Variants in NKAIN3 observed in about 807,000 individuals in gnomAD.
NKAIN3 encodes sodium/potassium-transporting ATPase subunit beta-1-interacting protein 3.
NKAIN3 carries 25 observed loss-of-function variants against 30.2 expected under a neutral mutation model. That is an observed-to-expected ratio of 0.83 (90% CI 0.60 to 1.16). The LOEUF is 1.16. NKAIN3 is among the 50% of genes most tolerant of loss of function. The probability of loss-of-function intolerance (pLI) is 0.00; values close to 1 mark genes in which losing one functional copy is unlikely to be tolerated. For missense variants in NKAIN3, 225 were observed against 254.1 expected (o/e 0.89, Z 0.78); for synonymous variants, 91 against 89.6 (o/e 1.02, Z -0.09).
At chr8:62,802,075 A>C (rs1658904214) in intron 4 of NKAIN3, among the ~76,000 whole-genome samples, 1 of 152,196 alleles carries the variant, frequency 6.6e-6, no homozygotes. Context: ...GAGAAAAAAG[A>C]ATAAAAGGAA....
At chr8:62,739,814 T>C (rs1158643943) in intron 3 of NKAIN3, among the ~76,000 whole-genome samples, 1 of 152,088 alleles carries the variant, frequency 6.6e-6, no homozygotes, top group African/African-American at 2.4e-5. Flanking sequence ...AAAGAGGAGA[T>C]CAAAATGATC....
At chr8:62,418,405 A>G (rs1382512780) in intron 1 of NKAIN3, among the ~76,000 whole-genome samples, 1 of 152,290 alleles carries the variant, frequency 6.6e-6, no homozygotes, top group South Asian at 2.1e-4. Context: ...AAGTAAATCA[A>G]TTATTTTCAG....
At chr8:62,414,953 T>C (rs1462713847) in intron 1 of NKAIN3, among the ~76,000 whole-genome samples, 2 of 150,446 alleles carry the variant, frequency 1.3e-5, no homozygotes, top group African/African-American at 2.4e-5. Context: ...TTGAAACTCA[T>C]GTATTTTGAG....
chr8:62,644,494 A>C, intron 3 of NKAIN3, among the ~76,000 whole-genome samples: 1 of 152,080 alleles, frequency 6.6e-6, no homozygotes, highest in East Asian at 1.9e-4. Context: ...ATCTGTGTTT[A>C]ATATGTCTAC....
intron 3 of NKAIN3, among the ~76,000 whole-genome samples, chr8:62,662,919 T>G (rs1408930446): frequency 1.3e-5 from 2 of 152,160 alleles, no homozygotes; most frequent in African/African-American, 4.8e-5. Context: ...CCTATGAAGA[T>G]GTAGAAGAAA....
chr8:62,683,929 G>A (rs1259423315), intron 3 of NKAIN3, among the ~76,000 whole-genome samples: 2 of 152,144 alleles, frequency 1.3e-5, no homozygotes. Context: ...AAAGATGGAT[G>A]GGGTATTGTC....
chr8:62,595,360 T>TG (rs1554551921), intron 3 of NKAIN3, among the ~76,000 whole-genome samples: 1 of 49,494 alleles, frequency 2.0e-5, no homozygotes, highest in African/African-American at 8.7e-5. Flanking sequence ...TTTCACCATT[T>TG]GGGGTTTTTT....
intron 4 of NKAIN3, among the ~76,000 whole-genome samples, chr8:62,759,732 C>A (rs113153246): frequency 6.6e-6 from 1 of 152,150 alleles, no homozygotes; most frequent in South Asian, 2.1e-4. Flanking sequence ...TCTAAAACAC[C>A]AAAGCAATGG....
At chr8:62,503,160 G>T (rs1489114570) in intron 1 of NKAIN3, among the ~76,000 whole-genome samples, 1 of 152,104 alleles carries the variant, frequency 6.6e-6, no homozygotes, top group East Asian at 1.9e-4. Context: ...CCTAAGTGTT[G>T]GTCAGTCTGA....
intron 3 of NKAIN3, among the ~76,000 whole-genome samples, chr8:62,727,226 A>T (rs184820042): frequency 1.5e-3 from 221 of 151,986 alleles, no homozygotes; most frequent in African/African-American, 5.1e-3. Flanking sequence ...ATGTACAAAA[A>T]CTCTATTGCT....
intron 3 of NKAIN3, among the ~76,000 whole-genome samples, chr8:62,595,121 A>G (rs1402303909): frequency 6.6e-6 from 1 of 151,952 alleles, no homozygotes; most frequent in Non-Finnish European, 1.5e-5. Context: ...CTGACTTTTT[A>G]AAAATTGGAC....
intron 5 of NKAIN3, among the ~76,000 whole-genome samples, chr8:62,951,130 G>A (rs1028559973): frequency 1.3e-5 from 2 of 151,960 alleles, no homozygotes; most frequent in African/African-American, 2.4e-5. Flanking sequence ...AGGAGTAGTG[G>A]AGATGGCTAA....
intron 4 of NKAIN3, among the ~76,000 whole-genome samples, chr8:62,833,951 G>T (rs888690560): frequency 6.6e-6 from 1 of 151,916 alleles, no homozygotes; most frequent in Non-Finnish European, 1.5e-5. Flanking sequence ...ACTGAAGCTA[G>T]AAATCACATC....
intron 3 of NKAIN3, among the ~76,000 whole-genome samples, chr8:62,671,373 T>C (rs747874943): frequency 6.6e-6 from 1 of 152,184 alleles, no homozygotes. Context: ...AGTGCCGAGA[T>C]TGTATTGACT....
intron 4 of NKAIN3, among the ~76,000 whole-genome samples, chr8:62,847,109 C>T (rs2130767783): frequency 1.3e-5 from 2 of 152,242 alleles, no homozygotes; most frequent in African/African-American, 4.8e-5. Context: ...TAGGTTGATT[C>T]CATGTCTTTG....
rs200932321 is a variant in NKAIN3 at position 62,345,512 on chromosome 8, T to C, written c.54+96385T>C. Among the ~76,000 whole-genome samples, 740 of 120,906 alleles carry C rather than the reference T, an allele frequency of 6.1e-3. 55 individuals carry two copies. The highest frequency in any genetic ancestry group is 0.013 in the South Asian group (50 of 3,996). 79.3% of individuals were successfully genotyped at this position (120,906 alleles called of 152,430 possible). On this transcript the variant is annotated intron_variant, in intron 1 of 6. Transcript: ENST00000623646. ...ATATACACACATATATACACATATA[T>C]ACACATATATGTATATATACACACA...
At chr8:62,639,735 AGG>A (rs35970009) in intron 3 of NKAIN3, among the ~76,000 whole-genome samples, 1 of 152,052 alleles carries the variant, frequency 6.6e-6, no homozygotes, top group African/African-American at 2.4e-5. Flanking sequence ...AAAAGAGAAA[AGG>A]GGGAGGATGT....
intron 1 of NKAIN3, among the ~76,000 whole-genome samples, chr8:62,321,136 G>C (rs547234045): frequency 6.6e-6 from 1 of 152,142 alleles, no homozygotes; most frequent in East Asian, 1.9e-4. Flanking sequence ...AGCTACTGAG[G>C]CTTGTGCATT....
intron 4 of NKAIN3, chr8:62,857,202 G>A (rs552259975): frequency 1.1e-5 from 3 of 279,314 alleles, no homozygotes; most frequent in South Asian, 3.7e-5. Context: ...TCTTCTGAGA[G>A]GATCACTGTT....
Sources: gnomAD v4.1 joint callset for allele counts (sites outside exome capture counted in the v4.1 genomes callset) on GRCh38, gnomAD v4.1.1 for gene constraint, MANE v1.5 for transcripts, NCBI Gene and HGNC (gene_info 2026-07-23, HGNC 2026-07-21) for gene names.